CILK1: variants seen among roughly 807,000 people sequenced by gnomAD.
CILK1 encodes the protein ciliogenesis associated kinase 1, also known as serine/threonine-protein kinase ICK.
A neutral mutation model predicts 79.2 loss-of-function variants in CILK1; 47 were observed. That is an observed-to-expected ratio of 0.59 (90% CI 0.47 to 0.76). The LOEUF (loss-of-function observed/expected upper bound fraction) is 0.76. Among genes scored for constraint, CILK1 ranks in the 30% least tolerant of loss-of-function variants. The pLI is 0.00. For missense variants in CILK1, 660 were observed against 769.5 expected (o/e 0.86, Z 1.68); for synonymous variants, 266 against 275.9 (o/e 0.96, Z 0.36).
At chr6:53,015,692 G>A (rs1245081540) in intron 8 of CILK1, among the ~76,000 whole-genome samples, 1 of 152,218 alleles carries the variant, frequency 6.6e-6, no homozygotes, top group East Asian at 1.9e-4. Flanking sequence ...TTATGAGTCA[G>A]TTGGACTTTT....
intron 2 of CILK1, among the ~76,000 whole-genome samples, chr6:53,038,499 G>A (rs1462991712): frequency 6.6e-6 from 1 of 152,136 alleles, no homozygotes; most frequent in Non-Finnish European, 1.5e-5. Context: ...CAGAGTTCTA[G>A]ACCCTCTAGT....
In CILK1 at chr6:53,019,649, T is replaced by C. The variant is rs370481991; in HGVS notation, c.359-290A>G. Among the ~76,000 whole-genome samples the C allele has an allele frequency of 7.9e-5, 12 of 152,262 alleles. 1 individual carries two copies. Among genetic ancestry groups the C allele is most frequent in the African/African-American group, 2.9e-4 (12 of 41,542 alleles). ...ACTGGATTATAGGCTGAGATAACTT[T>C]GCAAAAATAAACTGTCACTCAAGGG... On this transcript the variant is annotated intron_variant, in intron 5 of 13. Coordinates refer to ENST00000676107, the MANE Select transcript of CILK1 (RefSeq NM_014920.5).
At position 53,058,197 on chromosome 6, in the gene CILK1, A is replaced by G. The variant is rs145034422; in HGVS notation, c.-173+3399T>C. On this transcript the variant is annotated intron_variant, in intron 1 of 13. Coordinates refer to ENST00000676107, the MANE Select transcript of CILK1 (RefSeq NM_014920.5). ...AGTGTTTCCCTAAAACCTGTTGAGT[A>G]GTAGTTTTTCCTAATATTGGACAGC... 1.7e-4 allele frequency among the ~76,000 whole-genome samples: 26 copies of G among 152,320 alleles called. No individual in the cohort carries two copies. The East Asian group carries it at 5.0e-3, about 29-fold the overall frequency.
intron 1 of CILK1, among the ~76,000 whole-genome samples, chr6:53,043,319 A>AAT (rs1285338497): frequency 2.9e-3 from 432 of 150,156 alleles, no homozygotes; most frequent in African/African-American, 9.0e-3. Context: ...TGGTCTCAAA[A>AAT]ATATATATAT....
chr6:53,005,207 G>A lies in CILK1; in HGVS notation c.1841C>T (p.Ala614Val), dbSNP rs1299903204. Residue 614 changes from alanine (A) to valine (V), a missense_variant, in exon 14 of 14, where the codon GCC becomes GTC. Transcript: ENST00000676107. ...STPGLIPRPP[A>V]AQPVHGRTDW... is the part of the protein sequence containing the mutation. ...TGTCCGGCCATGCACTGGCTGGGCG[G>A]CTGGAGGCCGTGGTATCAACCCAGG... 2 of 1,614,088 alleles carry A rather than the reference G, an allele frequency of 1.2e-6. No homozygotes were observed. Among genetic ancestry groups the A allele is most frequent in the African/African-American group, 1.3e-5 (1 of 74,940 alleles).
At chr6:53,041,674 T>C (rs1164003558) in intron 1 of CILK1, among the ~76,000 whole-genome samples, 2 of 152,180 alleles carry the variant, frequency 1.3e-5, no homozygotes, top group African/African-American at 4.8e-5. Context: ...CTGCTGTCCA[T>C]GTGGAGTTTG....
chr6:53,055,018 CAAA>C (rs1435372136), intron 1 of CILK1, among the ~76,000 whole-genome samples: 1 of 152,158 alleles, frequency 6.6e-6, no homozygotes, highest in African/African-American at 2.4e-5. Context: ...AGACAGGAGA[CAAA>C]AAGTTACAGC....
intron 8 of CILK1, among the ~76,000 whole-genome samples, chr6:53,015,526 C>T (rs1764840521): frequency 6.6e-6 from 1 of 152,178 alleles, no homozygotes; most frequent in Admixed American, 6.5e-5. Flanking sequence ...AGTTTTCTCA[C>T]TCACAGAATT....
intron 1 of CILK1, among the ~76,000 whole-genome samples, chr6:53,041,996 G>A (rs1766748459): frequency 6.6e-6 from 1 of 151,916 alleles, no homozygotes; most frequent in African/African-American, 2.4e-5. Flanking sequence ...TTATTTGGAA[G>A]TTTGGTGATG....
At chr6:53,039,644 C>T (rs1322726638) in intron 2 of CILK1, among the ~76,000 whole-genome samples, 1 of 152,202 alleles carries the variant, frequency 6.6e-6, no homozygotes. Context: ...GGATGGGGTG[C>T]TGGCATGGGC....
At chr6:53,025,227 GTAAT>G (rs1562019558) in intron 5 of CILK1, among the ~76,000 whole-genome samples, 1 of 152,112 alleles carries the variant, frequency 6.6e-6, no homozygotes, top group African/African-American at 2.4e-5. Flanking sequence ...TTTAGTTGGG[GTAAT>G]TATTATTTCC....
At chr6:53,010,291 C>G (rs1451723413) in intron 11 of CILK1, among the ~76,000 whole-genome samples, 3 of 152,198 alleles carry the variant, frequency 2.0e-5, no homozygotes, top group Non-Finnish European at 2.9e-5. Context: ...TTAGAAGCCA[C>G]ATTCCAAACC....
Position 53,001,820 on chromosome 6 carries a change from T to C in CILK1, c.*3329A>G, listed in dbSNP as rs1763959493. The C allele has an allele frequency of 2.6e-5, 4 of 152,650 alleles. No homozygotes were observed. The highest frequency in any genetic ancestry group is 2.6e-4 in the Admixed American group (4 of 15,278). The allele number at this position is 152,650 out of a possible 1,614,324, so 9.5% of individuals were successfully genotyped here. A position where few individuals can be genotyped will look rare whatever the true frequency, so the allele number is the denominator to read the frequency against. On this transcript the variant is annotated 3_prime_UTR_variant, in exon 14 of 14. Transcript: ENST00000676107. ...TGTCAAACATCTTCTTATAAACATA[T>C]TGCTTTTGGTCATACACTGAACTGA...
intron 1 of CILK1, among the ~76,000 whole-genome samples, chr6:53,053,727 C>G (rs891078372): frequency 6.6e-6 from 1 of 152,180 alleles, no homozygotes; most frequent in Non-Finnish European, 1.5e-5. Flanking sequence ...AATGATATGG[C>G]TATGTTCTAA....
chr6:53,041,439 T>C (rs2127452689), intron 1 of CILK1, 31 bp from the exon 2 acceptor site: 2 of 559,536 alleles, frequency 3.6e-6, no homozygotes, highest in South Asian at 3.9e-5. Context: ...CAAGGATAAA[T>C]GTTAATATAC....
chr6:53,052,450 C>T (rs967144633), intron 1 of CILK1, among the ~76,000 whole-genome samples: 4 of 151,978 alleles, frequency 2.6e-5, no homozygotes, highest in Non-Finnish European at 4.4e-5. Flanking sequence ...TAGGGAATTT[C>T]GGCAGGGCAC....
At chr6:53,006,233 G>T in intron 13 of CILK1, 82 bp downstream of exon 13, 1 of 1,336,478 alleles carries the variant, frequency 7.5e-7, no homozygotes, top group Non-Finnish European at 1.1e-6. Flanking sequence ...TGGATCCCAG[G>T]CCTAAAACAT....
intron 1 of CILK1, among the ~76,000 whole-genome samples, chr6:53,042,043 CTT>C (rs768741807): frequency 1.3e-5 from 2 of 151,994 alleles, no homozygotes; most frequent in East Asian, 1.9e-4. Context: ...GAACTTAACT[CTT>C]GTTTATATCA....
chr6:53,016,682 C>T (rs1431206220), intron 7 of CILK1, among the ~76,000 whole-genome samples: 1 of 152,192 alleles, frequency 6.6e-6, no homozygotes, highest in Non-Finnish European at 1.5e-5. Context: ...GTATCTTCAA[C>T]TTGGTGATTG....
Sources: gnomAD v4.1 joint callset for allele counts (sites outside exome capture counted in the v4.1 genomes callset) on GRCh38, gnomAD v4.1.1 for gene constraint, MANE v1.5 for transcripts, NCBI Gene and HGNC (gene_info 2026-07-23, HGNC 2026-07-21) for gene names.